The following CLEC3A variants were observed in gnomAD, a reference collection of about 807,000 sequenced individuals.
CLEC3A encodes C-type lectin domain family 3 member A, also known as C-type (calcium dependent, carbohydrate-recognition domain) lectin, superfamily member 1 (cartilage-derived).
Under a neutral mutation model 20.4 loss-of-function variants are expected in CLEC3A, and 28 were observed. The ratio of observed to expected loss-of-function variants is 1.37; its 90% CI spans 1.02 to 1.88. CLEC3A has a LOEUF of 1.88. Ranked by LOEUF, CLEC3A falls within the 40% of genes most tolerant of loss-of-function variation. The pLI is 0.00. For missense variants in CLEC3A, 357 were observed against 240.4 expected (o/e 1.48, Z -3.21); for synonymous variants, 110 against 88.1 (o/e 1.25, Z -1.39).
chr16:78,030,058 C>T (rs1201798092), intron 2 of CLEC3A, among the ~76,000 whole-genome samples: 3 of 144,880 alleles, frequency 2.1e-5, no homozygotes, highest in African/African-American at 7.6e-5. Context: ...GAGCCTGAGA[C>T]GGGAGAATGG....
chr16:78,024,804 C>G (rs184512458), intron 1 of CLEC3A, among the ~76,000 whole-genome samples: 1 of 152,124 alleles, frequency 6.6e-6, no homozygotes, highest in African/African-American at 2.4e-5. Flanking sequence ...ATACTATTCC[C>G]AGAAGTTTTG....
intron 1 of CLEC3A, among the ~76,000 whole-genome samples, chr16:78,026,730 C>G (rs891956950): frequency 6.6e-6 from 1 of 152,162 alleles, no homozygotes; most frequent in African/African-American, 2.4e-5. Context: ...TAAGAGAATC[C>G]TTATTACACC....
chr16:78,025,627 G>A (rs2029892604), intron 1 of CLEC3A, among the ~76,000 whole-genome samples: 2 of 152,112 alleles, frequency 1.3e-5, no homozygotes, highest in Non-Finnish European at 1.5e-5. Context: ...GCCTTCTGGG[G>A]GACTCAAAAT....
chr16:78,029,140 CA>C, intron 2 of CLEC3A: 1 of 455,756 alleles, frequency 2.2e-6, no homozygotes, highest in Non-Finnish European at 4.4e-6. Flanking sequence ...AAATGAGGCA[CA>C]AAGAAGGTAA....
chr16:78,028,534 C>G (rs1367001762), intron 2 of CLEC3A, among the ~76,000 whole-genome samples: 3 of 152,210 alleles, frequency 2.0e-5, no homozygotes, highest in Non-Finnish European at 2.9e-5. Flanking sequence ...TATCAGGCCA[C>G]CAGGACTCTC....
Position 78,030,801 on chromosome 16 carries a change from G to A in CLEC3A, c.554G>A (p.Ser185Asn). The A allele has an allele frequency of 6.2e-7, 1 of 1,613,974 alleles. No homozygotes were observed. ...QGKWSDEACR[S>N]SKRYICEFTI... is the part of the protein sequence containing the mutation. ...AAGTGGAGTGATGAGGCCTGTCGCA[G>A]CAGCAAGAGATACATATGCGAGTTC... The change falls in exon 3 of 3, where the codon AGC becomes AAC. Residue 185 changes from serine (S) to asparagine (N), a missense_variant. Transcript: ENST00000299642.
At chr16:78,030,334 C>T in intron 2 of CLEC3A, 113 bp from the exon 3 acceptor site, 1 of 953,450 alleles carries the variant, frequency 1.0e-6, no homozygotes, top group South Asian at 1.7e-5. Context: ...TAACTGTTGT[C>T]TCATCATTAT....
intron 1 of CLEC3A, 152 bp from the exon 2 acceptor site, chr16:78,027,955 C>T (rs1175026944): frequency 1.5e-6 from 1 of 656,526 alleles, no homozygotes; most frequent in Non-Finnish European, 2.6e-6. Flanking sequence ...TTCGCCAGCC[C>T]CAAGTTATTT....
intron 1 of CLEC3A, among the ~76,000 whole-genome samples, chr16:78,023,677 G>C (rs957884593): frequency 1.3e-5 from 2 of 152,040 alleles, no homozygotes; most frequent in Non-Finnish European, 2.9e-5. Flanking sequence ...GGGTAAAAAG[G>C]GGTCTTGTGC....
intron 1 of CLEC3A, among the ~76,000 whole-genome samples, chr16:78,026,223 T>C (rs879673835): frequency 1.3e-5 from 2 of 152,172 alleles, no homozygotes; most frequent in Non-Finnish European, 2.9e-5. Context: ...GAAGACAGCT[T>C]CCTAACCCAA....
In CLEC3A at chr16:78,031,097, CTT is replaced by C. The variant is rs1176051896; in HGVS notation, c.*258_*259del. On this transcript the variant is annotated 3_prime_UTR_variant, in exon 3 of 3. Transcript: ENST00000299642. ...TGGCTTCTGCTAAACAGACTAAAAT[CTT>C]TCTCTCTAGTCTTTCTCACTTGTAC... is the stretch of plus-strand genomic sequence containing the variant. The C allele has an allele frequency of 2.7e-6, 1 of 366,970 alleles. No individual in the cohort carries two copies. 22.7% of individuals were successfully genotyped at this position (366,970 alleles called of 1,614,324 possible). A position where few individuals can be genotyped will look rare whatever the true frequency, so the allele number is the denominator to read the frequency against.
At chr16:78,028,265 C>A (rs1439682409) in intron 2 of CLEC3A, 75 bp downstream of exon 2, 9 of 1,014,678 alleles carry the variant, frequency 8.9e-6, no homozygotes, top group South Asian at 1.7e-5. Context: ...TGGGGGACGT[C>A]TTTTTAAAAG....
In CLEC3A at chr16:78,030,761, C is replaced by T. The variant is rs770660701; in HGVS notation, c.514C>T (p.Gln172Ter). The T allele has an allele frequency of 6.2e-7, 1 of 1,614,136 alleles. No individual in the cohort carries two copies. Among genetic ancestry groups the T allele is most frequent in the East Asian group, 2.2e-5 (1 of 44,880 alleles). Residue 172 changes from glutamine to a stop codon, truncating the protein, a stop_gained, in exon 3 of 3, where the codon CAA becomes TAA. Transcript: ENST00000299642. LOFTEE classifies it high-confidence loss of function. Reference protein sequence around the residue: ...GKRENCVLFSQSAQGKWSDEA... With the variant: ...GKRENCVLFS ...GCGAGAAAACTGTGTCCTGTTCTCC[C>T]AATCAGCTCAGGGCAAGTGGAGTGA...
At chr16:78,029,757 C>G (rs761852252) in intron 2 of CLEC3A, among the ~76,000 whole-genome samples, 3 of 151,922 alleles carry the variant, frequency 2.0e-5, no homozygotes, top group Non-Finnish European at 4.4e-5. Context: ...GAGTAGCAAG[C>G]ATGTATATAT....
chr16:78,027,871 G>C (rs1298385538), intron 1 of CLEC3A, among the ~76,000 whole-genome samples: 1 of 152,186 alleles, frequency 6.6e-6, no homozygotes, highest in Non-Finnish European at 1.5e-5. Context: ...GGCCAGGCTG[G>C]TCTCGAACTC....
At chr16:78,028,591 C>T (rs915425834) in intron 2 of CLEC3A, among the ~76,000 whole-genome samples, 1 of 152,214 alleles carries the variant, frequency 6.6e-6, no homozygotes, top group African/African-American at 2.4e-5. Context: ...GGGTTAGAAC[C>T]GCAGCTTGCC....
chr16:78,030,966 G>C lies in CLEC3A; in HGVS notation c.*125G>C, dbSNP rs1344810940. ...TTGCAACACAAGATCAATGTCCATA[G>C]CAATATGATAGCATCAGCCAATTTT... On this transcript the variant is annotated 3_prime_UTR_variant, in exon 3 of 3. Coordinates refer to ENST00000299642, the MANE Select transcript of CLEC3A (RefSeq NM_005752.6). The C allele has an allele frequency of 2.7e-6, 3 of 1,111,750 alleles. No homozygotes were observed. The East Asian group carries it at 7.8e-5, about 29-fold the overall frequency. The allele number at this position is 1,111,750 out of a possible 1,614,324, so 68.9% of individuals were successfully genotyped here. A position where few individuals can be genotyped will look rare whatever the true frequency, so the allele number is the denominator to read the frequency against.
chr16:78,029,549 T>C (rs190276069), intron 2 of CLEC3A, among the ~76,000 whole-genome samples: 29 of 152,188 alleles, frequency 1.9e-4, no homozygotes, highest in African/African-American at 6.7e-4. Flanking sequence ...TTTGTATTTT[T>C]AGTACAGACG....
At chr16:78,027,701 G>T (rs1160506772) in intron 1 of CLEC3A, among the ~76,000 whole-genome samples, 1 of 151,856 alleles carries the variant, frequency 6.6e-6, no homozygotes, top group Non-Finnish European at 1.5e-5. Context: ...CCTCACCAAG[G>T]CTGGAGTGCA....
Sources: gnomAD v4.1 joint callset for allele counts (sites outside exome capture counted in the v4.1 genomes callset) on GRCh38, gnomAD v4.1.1 for gene constraint, MANE v1.5 for transcripts, NCBI Gene and HGNC (gene_info 2026-07-23, HGNC 2026-07-21) for gene names.